Variants in ABCC3 observed in about 807,000 individuals in gnomAD.
The protein encoded by ABCC3 is ATP binding cassette subfamily C member 3.
Under a neutral mutation model 165.3 loss-of-function variants are expected in ABCC3, and 121 were observed. That is an observed-to-expected ratio of 0.73 (90% CI 0.63 to 0.85). ABCC3 has a LOEUF of 0.85. Among genes scored for constraint, ABCC3 ranks in the 40% least tolerant of loss-of-function variants. The pLI, the probability that ABCC3 is intolerant of heterozygous loss-of-function variation, is 0.00. For synonymous variants in ABCC3, 733 were observed against 810.1 expected (o/e 0.90, Z 1.62); for missense variants, 1,869 against 1,964.1 (o/e 0.95, Z 0.92).
intron 8 of ABCC3, chr17:50,663,478 C>CGAGGTG (rs1361798820): frequency 1.7e-5 from 10 of 605,612 alleles, no homozygotes; most frequent in African/African-American, 3.7e-5. Context: ...GGATAGAGAA[C>CGAGGTG]GAGGTGAAGG....
intron 8 of ABCC3, 63 bp from the exon 9 acceptor site, chr17:50,663,618 A>G: frequency 6.4e-7 from 1 of 1,565,482 alleles, no homozygotes; most frequent in Non-Finnish European, 8.7e-7. Context: ...AGCAAAGGGC[A>G]GCAGAGGAGG....
intron 1 of ABCC3, 118 bp downstream of exon 1, chr17:50,635,099 C>T (rs1598900543): frequency 3.6e-6 from 4 of 1,118,670 alleles, no homozygotes; most frequent in Non-Finnish European, 4.6e-6. Context: ...GCCCCTGAGA[C>T]GGCCTGGGCG....
chr17:50,660,385 G>A (rs905696074), intron 7 of ABCC3, among the ~76,000 whole-genome samples: 6 of 152,152 alleles, frequency 3.9e-5, no homozygotes, highest in South Asian at 2.1e-4. Context: ...CACAATCCAG[G>A]CCTAGGAGTT....
intron 7 of ABCC3, among the ~76,000 whole-genome samples, 159 bp from the exon 8 acceptor site, chr17:50,660,764 G>A (rs980021376): frequency 6.6e-6 from 1 of 152,144 alleles, no homozygotes; most frequent in African/African-American, 2.4e-5. Flanking sequence ...GGACAGAGTC[G>A]CTTGTGCAAT....
At chr17:50,672,298 C>CT (rs1967665268) in intron 17 of ABCC3, among the ~76,000 whole-genome samples, 1 of 152,238 alleles carries the variant, frequency 6.6e-6, no homozygotes, top group South Asian at 2.1e-4. Flanking sequence ...GCTTATTTCA[C>CT]TTAGCATAAT....
In ABCC3 at chr17:50,677,897, G is replaced by A. The variant is rs1210976336; in HGVS notation, c.3532G>A (p.Val1178Met). Residue 1178 changes from valine (V) to methionine (M), a missense_variant, in exon 24 of 31, where the codon GTG (valine) becomes ATG (methionine). By Grantham distance (21) the Val-to-Met change is conservative. Coordinates refer to ENST00000285238, the MANE Select transcript of ABCC3 (RefSeq NM_003786.4). ...TTTTGAGATCATCAGTGATACTAAG[G>A]TGGATGCCAACCAGAGAAGCTGCTA... ...RDFEIISDTK[V>M]DANQRSCYPY... 2 of 1,614,042 alleles carry A rather than the reference G, an allele frequency of 1.2e-6. No individual in the cohort carries two copies. The highest frequency in any genetic ancestry group is 1.3e-5 in the African/African-American group (1 of 74,904).
intron 2 of ABCC3, 150 bp from the exon 3 acceptor site, chr17:50,656,552 C>A (rs1967252564): frequency 1.9e-6 from 2 of 1,063,284 alleles, no homozygotes; most frequent in Non-Finnish European, 2.7e-6. Context: ...CCACCTCCAG[C>A]AAGCTTCTGG....
At chr17:50,666,850 T>C (rs1164652077) in intron 11 of ABCC3, among the ~76,000 whole-genome samples, 1 of 152,192 alleles carries the variant, frequency 6.6e-6, no homozygotes, top group Admixed American at 6.5e-5. Flanking sequence ...CTCAGGAAGC[T>C]CACAGTCTGA....
intron 30 of ABCC3, 40 bp downstream of exon 30, chr17:50,687,770 G>A: frequency 6.3e-7 from 1 of 1,589,398 alleles, no homozygotes; most frequent in Non-Finnish European, 8.6e-7. Context: ...ACCTGGTGGG[G>A]CCACCTGGGG....
chr17:50,660,772 A>G, intron 7 of ABCC3, 151 bp from the exon 8 acceptor site: 1 of 511,438 alleles, frequency 2.0e-6, no homozygotes, highest in South Asian at 2.4e-5. Context: ...TCGCTTGTGC[A>G]ATTCTTATGC....
At chr17:50,645,030 AC>A (rs1966975949) in intron 1 of ABCC3, among the ~76,000 whole-genome samples, 1 of 151,430 alleles carries the variant, frequency 6.6e-6, no homozygotes, top group African/African-American at 2.4e-5. Flanking sequence ...AAACAAGCAA[AC>A]AAAAAAACAG....
rs752318961 is a variant in ABCC3, at chr17:50,678,115, T to A, written c.3601T>A (p.Phe1201Ile). ...TAGGTGGCTGAGCATCGGAGTGGAG[T>A]TCGTGGGGAACTGCGTGGTGCTCTT... ...SNRWLSIGVE[F>I]VGNCVVLFAA... is the part of the protein sequence containing the mutation. The change falls in exon 25 of 31, where the codon TTC becomes ATC. Residue 1201 changes from phenylalanine (F) to isoleucine (I), a missense_variant. Physicochemically the swap from Phe to Ile is conservative, Grantham distance 21. Transcript: ENST00000285238. 1.3e-6 allele frequency: 2 copies of A among 1,594,770 alleles called. No homozygotes were observed. The highest frequency in any genetic ancestry group is 4.5e-5 in the East Asian group (2 of 44,644).
intron 30 of ABCC3, among the ~76,000 whole-genome samples, chr17:50,688,175 G>T (rs1968058048): frequency 6.6e-6 from 1 of 152,046 alleles, no homozygotes; most frequent in African/African-American, 2.4e-5. Context: ...CTCCCAAAGT[G>T]CTGGGATTAC....
At chr17:50,648,358 C>T (rs976119995) in intron 1 of ABCC3, among the ~76,000 whole-genome samples, 12 of 152,164 alleles carry the variant, frequency 7.9e-5, no homozygotes, top group African/African-American at 2.7e-4. Context: ...AAAGCAGCGG[C>T]TGCTAGGAGA....
chr17:50,671,702 CTTTTTTTTT>C (rs386386244), intron 17 of ABCC3, among the ~76,000 whole-genome samples: 29 of 56,392 alleles, frequency 5.1e-4, no homozygotes, highest in South Asian at 2.8e-3. Flanking sequence ...TCCTTCCTTC[CTTTTTTTTT>C]TTTTTTTTTT....
At chr17:50,655,280 C>G (rs1967205533) in intron 1 of ABCC3, among the ~76,000 whole-genome samples, 1 of 151,008 alleles carries the variant, frequency 6.6e-6, no homozygotes. Flanking sequence ...GTGGTGGGCG[C>G]CTGTAGTCCC....
rs539889652 is a variant in ABCC3, at chr17:50,656,540, C to G, written c.223-162C>G. Among the ~76,000 whole-genome samples, 30 of 152,374 alleles carry G rather than the reference C, an allele frequency of 2.0e-4. 1 individual carries two copies. The South Asian group carries it at 6.0e-3, about 31-fold the overall frequency. The stretch of plus-strand genomic sequence containing the variant: ...GTTTAAGTAAGTTCAGCAACACTCT[C>G]CCCACCTCCAGCAAGCTTCTGGTCA... On this transcript the variant is annotated intron_variant, in intron 2 of 30. Coordinates refer to ENST00000285238, the MANE Select transcript of ABCC3 (RefSeq NM_003786.4).
chr17:50,641,802 T>C (rs148454244), intron 1 of ABCC3, among the ~76,000 whole-genome samples: 10,191 of 152,030 alleles, frequency 0.067, 357 homozygotes, highest in African/African-American at 0.09. Context: ...TCCCAGCACT[T>C]TGGGAGGCCG....
intron 1 of ABCC3, among the ~76,000 whole-genome samples, chr17:50,642,610 C>G (rs1966913849): frequency 6.6e-6 from 1 of 152,240 alleles, no homozygotes; most frequent in African/African-American, 2.4e-5. Context: ...CAGATGCTGT[C>G]ATCACTCCCA....
Sources: allele counts gnomAD v4.1 joint callset (sites outside exome capture counted in the v4.1 genomes callset), GRCh38; gene constraint gnomAD v4.1.1; transcripts MANE v1.5; gene names NCBI Gene and HGNC (gene_info 2026-07-23, HGNC 2026-07-21).